HIVEP3: variants seen among roughly 807,000 people sequenced by gnomAD.
HIVEP3 encodes the protein HIVEP zinc finger 3.
Under a neutral mutation model 152.8 loss-of-function variants are expected in HIVEP3, and 49 were observed. That is an observed-to-expected ratio of 0.32 (90% CI 0.26 to 0.41). The LOEUF is 0.41. HIVEP3 is among the 10% of genes least tolerant of loss of function. The probability of loss-of-function intolerance (pLI) is 1.00; values close to 1 mark genes in which losing one functional copy is unlikely to be tolerated. For synonymous variants in HIVEP3, 1,269 were observed against 1,289.0 expected (o/e 0.98, Z 0.33); for missense variants, 2,790 against 3,103.3 (o/e 0.90, Z 2.40).
At chr1:41,665,194 A>G (rs6677711) in intron 2 of HIVEP3, among the ~76,000 whole-genome samples, 114,571 of 152,126 alleles carry the variant, frequency 0.75, 44,163 homozygotes, top group East Asian at 0.99. Context: ...GTGGGGGCAG[A>G]CAGCCCTGCT....
At chr1:41,824,684 T>C (rs1264275991) in intron 1 of HIVEP3, among the ~76,000 whole-genome samples, 2 of 148,022 alleles carry the variant, frequency 1.4e-5, no homozygotes, top group Non-Finnish European at 3.0e-5. Flanking sequence ...TTAACTCACA[T>C]GAACAGGAAT....
chr1:41,635,959 G>A (rs1570171152), intron 2 of HIVEP3, among the ~76,000 whole-genome samples: 1 of 152,208 alleles, frequency 6.6e-6, no homozygotes, highest in Non-Finnish European at 1.5e-5. Context: ...GGCTGTCGAA[G>A]ATGGAATTCC....
At chr1:41,681,550 C>T (rs1048860315) in intron 2 of HIVEP3, among the ~76,000 whole-genome samples, 1 of 152,168 alleles carries the variant, frequency 6.6e-6, no homozygotes. Flanking sequence ...CCTGTGTGAT[C>T]CCAGGGTTAG....
At chr1:41,832,810 T>C (rs186357491) in intron 1 of HIVEP3, among the ~76,000 whole-genome samples, 1 of 152,352 alleles carries the variant, frequency 6.6e-6, no homozygotes, top group Admixed American at 6.5e-5. Flanking sequence ...CTCAAACTAC[T>C]AAAGCAGTAA....
chr1:41,812,635 C>T (rs1651031175), intron 1 of HIVEP3, among the ~76,000 whole-genome samples: 1 of 150,760 alleles, frequency 6.6e-6, no homozygotes, highest in Non-Finnish European at 1.5e-5. Context: ...GATAGTGACG[C>T]ATTTATCCTG....
At chr1:41,927,881 G>A (rs1010903470) in intron 1 of HIVEP3, among the ~76,000 whole-genome samples, 3 of 152,080 alleles carry the variant, frequency 2.0e-5, no homozygotes, top group African/African-American at 7.2e-5. Context: ...CCAACATGGT[G>A]AAACCCCGTC....
At chr1:41,763,571 T>C (rs1647826545) in intron 1 of HIVEP3, among the ~76,000 whole-genome samples, 1 of 152,236 alleles carries the variant, frequency 6.6e-6, no homozygotes, top group Non-Finnish European at 1.5e-5. Context: ...TACACCATTA[T>C]TGAGCATAGG....
rs576920330 is a variant in HIVEP3 at position 41,552,166 on chromosome 1, T to C, written c.5207+23378A>G. Among the ~76,000 whole-genome samples, 95 of 152,386 alleles carry C rather than the reference T, an allele frequency of 6.2e-4. 1 individual carries two copies. Among genetic ancestry groups the C allele is most frequent in the Middle Eastern group, 6.8e-3 (2 of 294 alleles). ...GCAGTAGTCATTCAGGAGCAGGTTG[T>C]TCAATTTCCATGTAGTTGTGCGGTT... is the stretch of plus-strand genomic sequence containing the variant. On this transcript the variant is annotated intron_variant, in intron 5 of 8. Transcript: ENST00000372583.
intron 5 of HIVEP3, among the ~76,000 whole-genome samples, chr1:41,554,215 T>G (rs576852929): frequency 7.9e-5 from 12 of 152,248 alleles, no homozygotes; most frequent in Non-Finnish European, 1.5e-4. Flanking sequence ...CTTTTTTCTC[T>G]AAACTGCTCT....
intron 1 of HIVEP3, among the ~76,000 whole-genome samples, chr1:41,827,861 TG>T (rs1642848735): frequency 6.6e-6 from 1 of 151,562 alleles, no homozygotes; most frequent in African/African-American, 2.4e-5. Context: ...GGGCAGGGCT[TG>T]GGGGGCATGG....
At chr1:41,892,551 A>G (rs1644462607) in intron 1 of HIVEP3, among the ~76,000 whole-genome samples, 1 of 152,236 alleles carries the variant, frequency 6.6e-6, no homozygotes, top group Non-Finnish European at 1.5e-5. Flanking sequence ...GCAAATCAGA[A>G]TAAGTGCTGA....
chr1:41,880,581 G>A (rs1644245979), intron 1 of HIVEP3, among the ~76,000 whole-genome samples: 1 of 152,178 alleles, frequency 6.6e-6, no homozygotes, highest in Non-Finnish European at 1.5e-5. Flanking sequence ...GCTTGGGTGA[G>A]GAGAAGGAAG....
intron 1 of HIVEP3, among the ~76,000 whole-genome samples, chr1:41,927,083 T>A (rs1199630774): frequency 2.0e-5 from 3 of 152,216 alleles, no homozygotes; most frequent in Non-Finnish European, 4.4e-5. Flanking sequence ...GAGAGTCTGA[T>A]GTTGGTAAGA....
At position 41,849,743 on chromosome 1, in the gene HIVEP3, T is replaced by C. The variant is rs549967224; in HGVS notation, c.-801+68670A>G. Among the ~76,000 whole-genome samples the C allele has an allele frequency of 1.8e-4, 27 of 149,034 alleles. 1 individual carries two copies. Among genetic ancestry groups the C allele is most frequent in the African/African-American group, 6.5e-4 (26 of 40,206 alleles). Reference sequence around the variant, plus strand: ...TCTTGCCCTGTCGCCCAGGCTGGAGTGCAATGGCGCAATCTCGGCTCACTG... The same window carrying C: ...TCTTGCCCTGTCGCCCAGGCTGGAGCGCAATGGCGCAATCTCGGCTCACTG... On this transcript the variant is annotated intron_variant, in intron 1 of 8. Transcript: ENST00000372583.
chr1:41,924,465 G>T (rs1184822782), intron 1 of HIVEP3, among the ~76,000 whole-genome samples: 1 of 152,140 alleles, frequency 6.6e-6, no homozygotes, highest in African/African-American at 2.4e-5. Flanking sequence ...TACTTACTAT[G>T]TACCTGGTGC....
At chr1:41,837,662 G>A (rs555572177) in intron 1 of HIVEP3, among the ~76,000 whole-genome samples, 5 of 152,220 alleles carry the variant, frequency 3.3e-5, no homozygotes, top group African/African-American at 4.8e-5. Flanking sequence ...TGTTAGCACC[G>A]GACATTGCCC....
rs1644889068 is a variant in HIVEP3, at chr1:41,917,489, T to C, written c.-801+924A>G. On this transcript the variant is annotated intron_variant, in intron 1 of 8. Coordinates refer to ENST00000372583, the MANE Select transcript of HIVEP3 (RefSeq NM_024503.5). Reference sequence around the variant, plus strand: ...CTGCAGACCCTCTTCCTGCAACCACTGCCCCCGAAGTTCAAGGAAGGGCCT... The same window carrying C: ...CTGCAGACCCTCTTCCTGCAACCACCGCCCCCGAAGTTCAAGGAAGGGCCT... Among the ~76,000 whole-genome samples the C allele has an allele frequency of 2.0e-5, 3 of 152,230 alleles. No individual in the cohort carries two copies. The South Asian group carries it at 6.2e-4, about 32-fold the overall frequency.
intron 1 of HIVEP3, among the ~76,000 whole-genome samples, chr1:42,035,330 G>A (rs1569575819): frequency 1.3e-5 from 2 of 152,330 alleles, no homozygotes; most frequent in Middle Eastern, 6.8e-3. Context: ...CTGGACCAGG[G>A]CCACCCCGGG....
At chr1:41,992,763 A>G (rs1223131759) in intron 1 of HIVEP3, among the ~76,000 whole-genome samples, 1 of 141,604 alleles carries the variant, frequency 7.1e-6, no homozygotes, top group Non-Finnish European at 1.5e-5. Flanking sequence ...ACAAGGCTAC[A>G]GTAACCAAAA....
Sources: allele counts gnomAD v4.1 joint callset (sites outside exome capture counted in the v4.1 genomes callset), GRCh38; gene constraint gnomAD v4.1.1; transcripts MANE v1.5; gene names NCBI Gene and HGNC (gene_info 2026-07-23, HGNC 2026-07-21).